SMIM14: variants seen among roughly 807,000 people sequenced by gnomAD.
The protein encoded by SMIM14 is small integral membrane protein 14, also known as chromosome 4 open reading frame 34.
A neutral mutation model predicts 12.6 loss-of-function variants in SMIM14; 5 were observed. The observed-to-expected ratio is 0.40, with a 90% CI of 0.21 to 0.83. SMIM14 has a LOEUF of 0.83. Ranked by LOEUF, SMIM14 falls within the 40% of genes least tolerant of loss-of-function variation. SMIM14 has a pLI of 0.37. For missense variants in SMIM14, 86 were observed against 119.1 expected (o/e 0.72, Z 1.29); for synonymous variants, 30 against 40.1 (o/e 0.75, Z 0.95).
intron 1 of SMIM14, among the ~76,000 whole-genome samples, chr4:39,626,224 A>G (rs894021313): frequency 5.3e-5 from 8 of 151,768 alleles, no homozygotes; most frequent in Non-Finnish European, 8.8e-5. Flanking sequence ...CCCCTGCCCC[A>G]GCCCACTGAA....
intron 2 of SMIM14, among the ~76,000 whole-genome samples, chr4:39,576,686 T>TATATATATA (rs1560289819): frequency 1.9e-3 from 9 of 4,698 alleles, no homozygotes; most frequent in Non-Finnish European, 2.6e-3. Context: ...ATATATATAT[T>TATATATATA]TTTTTTTTTT....
chr4:39,559,409 G>A, intron 3 of SMIM14, among the ~76,000 whole-genome samples: 1 of 151,538 alleles, frequency 6.6e-6, no homozygotes. Flanking sequence ...GAAAAGAAAG[G>A]AAAAGAAAAA....
intron 2 of SMIM14, among the ~76,000 whole-genome samples, chr4:39,590,022 CAAA>C (rs34159677): frequency 5.6e-5 from 4 of 71,348 alleles, no homozygotes; most frequent in African/African-American, 5.6e-5. Context: ...GACTCTGTTT[CAAA>C]AAAAAAAAAA....
chr4:39,598,592 G>A (rs886633763), intron 2 of SMIM14, among the ~76,000 whole-genome samples: 1 of 152,052 alleles, frequency 6.6e-6, no homozygotes, highest in African/African-American at 2.4e-5. Flanking sequence ...AAGTTGTTTA[G>A]TTCAGTACTC....
intron 2 of SMIM14, among the ~76,000 whole-genome samples, chr4:39,584,250 G>A (rs1019472336): frequency 2.0e-5 from 3 of 151,812 alleles, no homozygotes; most frequent in African/African-American, 7.3e-5. Context: ...GGGAGGCCAA[G>A]GCAGGTGGAT....
chr4:39,624,739 G>C (rs1578367822), intron 1 of SMIM14, among the ~76,000 whole-genome samples: 1 of 146,086 alleles, frequency 6.8e-6, no homozygotes. Flanking sequence ...CAGAAGAATT[G>C]CTTGAACCTA....
At chr4:39,553,593 C>T (rs1179087594) in intron 4 of SMIM14, among the ~76,000 whole-genome samples, 4 of 149,608 alleles carry the variant, frequency 2.7e-5, no homozygotes, top group East Asian at 2.0e-4. Flanking sequence ...CTAATAATGC[C>T]GGTTTTTTTT....
intron 4 of SMIM14, among the ~76,000 whole-genome samples, chr4:39,555,771 C>T (rs1711979736): frequency 1.3e-5 from 2 of 152,062 alleles, no homozygotes; most frequent in African/African-American, 4.8e-5. Context: ...GGCTCAGTGT[C>T]TCTACTGAAT....
At chr4:39,629,485 C>G (rs1188528260) in intron 1 of SMIM14, among the ~76,000 whole-genome samples, 1 of 148,894 alleles carries the variant, frequency 6.7e-6, no homozygotes, top group Non-Finnish European at 1.5e-5. Flanking sequence ...CTCTATTGCC[C>G]AGGCTGTAGT....
At position 39,556,425 on chromosome 4, in the gene SMIM14, T is replaced by C. The variant is rs1712016511; in HGVS notation, c.267+3A>G. The C allele has an allele frequency of 1.2e-6, 2 of 1,608,478 alleles. No individual in the cohort carries two copies. Among genetic ancestry groups the C allele is most frequent in the Non-Finnish European group, 1.7e-6 (2 of 1,178,576 alleles). The stretch of plus-strand genomic sequence containing the variant: ...AAAAGCATTTAAAATCTGCAACACT[T>C]ACATTATGAGGACTGGTTGGCTTTC... On this transcript the variant is annotated splice_donor_region_variant and intron_variant, in intron 4 of 4. Transcript: ENST00000295958.
At chr4:39,557,844 C>T (rs1187259453) in intron 3 of SMIM14, among the ~76,000 whole-genome samples, 1 of 152,146 alleles carries the variant, frequency 6.6e-6, no homozygotes, top group Non-Finnish European at 1.5e-5. Flanking sequence ...GACATCTGGG[C>T]TGCGTAATAT....
intron 1 of SMIM14, among the ~76,000 whole-genome samples, chr4:39,630,891 G>A (rs1396156712): frequency 1.3e-5 from 2 of 150,786 alleles, no homozygotes; most frequent in African/African-American, 2.4e-5. Context: ...AAGAAAGAAG[G>A]AAAGAAAGAA....
At chr4:39,614,524 G>A (rs1715151048) in intron 1 of SMIM14, among the ~76,000 whole-genome samples, 1 of 152,074 alleles carries the variant, frequency 6.6e-6, no homozygotes, top group Non-Finnish European at 1.5e-5. Context: ...GTTCCACCAT[G>A]TTGGGTAGGC....
chr4:39,602,205 T>C (rs1578348906), intron 2 of SMIM14, among the ~76,000 whole-genome samples: 1 of 149,216 alleles, frequency 6.7e-6, no homozygotes, highest in African/African-American at 2.5e-5. Flanking sequence ...GCAGAGATCG[T>C]GCCACTGCCC....
intron 2 of SMIM14, among the ~76,000 whole-genome samples, chr4:39,602,678 T>A (rs1714662634): frequency 6.6e-6 from 1 of 152,182 alleles, no homozygotes; most frequent in Admixed American, 6.6e-5. Context: ...TACACCAAGT[T>A]ATCAGAGCCA....
chr4:39,609,706 T>C (rs1368781962), intron 1 of SMIM14, among the ~76,000 whole-genome samples: 1 of 152,158 alleles, frequency 6.6e-6, no homozygotes, highest in African/African-American at 2.4e-5. Context: ...CCAAGAGCAA[T>C]GTGAAGAACA....
rs191633536 is a variant in SMIM14 at position 39,567,269 on chromosome 4, C to T, written c.124+5146G>A. On this transcript the variant is annotated intron_variant, in intron 3 of 4. Coordinates refer to ENST00000295958, the MANE Select transcript of SMIM14 (RefSeq NM_174921.3). ...AACTAGATAATTTCTCAGATTACAA[C>T]TTTATCAGGAAGAAGCAGAAGGCTA... is the stretch of plus-strand genomic sequence containing the variant. Among the ~76,000 whole-genome samples, 13 of 148,088 alleles carry T rather than the reference C, an allele frequency of 8.8e-5. No homozygotes were observed. In the Admixed American group the frequency reaches 8.8e-4, roughly 10 times the overall value.
intron 1 of SMIM14, among the ~76,000 whole-genome samples, chr4:39,616,364 G>A (rs998235707): frequency 2.7e-5 from 4 of 149,802 alleles, no homozygotes; most frequent in African/African-American, 7.2e-5. Flanking sequence ...TCAAACTCCC[G>A]GCCTCTAGTG....
At chr4:39,578,264 C>T (rs1713304866) in intron 2 of SMIM14, among the ~76,000 whole-genome samples, 1 of 152,198 alleles carries the variant, frequency 6.6e-6, no homozygotes, top group African/African-American at 2.4e-5. Context: ...CCTCCCGCCC[C>T]AGGCTCCCAA....
Sources: allele counts gnomAD v4.1 joint callset (sites outside exome capture counted in the v4.1 genomes callset), GRCh38; gene constraint gnomAD v4.1.1; transcripts MANE v1.5; gene names NCBI Gene and HGNC (gene_info 2026-07-23, HGNC 2026-07-21).